Variants in NRXN3 observed in about 807,000 individuals in gnomAD.
NRXN3 encodes the protein neurexin 3, also known as neurexin III.
A neutral mutation model predicts 137.6 loss-of-function variants in NRXN3; 32 were observed. The observed-to-expected ratio is 0.23, with a 90% CI of 0.18 to 0.31. The LOEUF (loss-of-function observed/expected upper bound fraction) is 0.31. Among genes scored for constraint, NRXN3 ranks in the 10% least tolerant of loss-of-function variants. The pLI, the probability that NRXN3 is intolerant of heterozygous loss-of-function variation, is 1.00. For missense variants in NRXN3, 1,574 were observed against 2,062.5 expected, an observed-to-expected ratio of 0.76 and a Z score of 4.59; for synonymous variants, 798 against 784.5, an observed-to-expected ratio of 1.02 and a Z score of -0.29.
At position 78,764,147 on chromosome 14, in the gene NRXN3, A is replaced by G. The variant is rs2098701322; in HGVS notation, c.2045-39473A>G. Among the ~76,000 whole-genome samples the G allele has an allele frequency of 2.0e-5, 3 of 152,222 alleles. No homozygotes were observed. The South Asian group carries it at 6.2e-4, about 32-fold the overall frequency. On this transcript the variant is annotated intron_variant, in intron 8 of 20. Transcript: ENST00000335750. ...TCTAAGTGTTCCTAATGACCATGCC[A>G]TATCCAGTTAAGAATTGAATTGTGC...
At chr14:78,349,718 G>A (rs988760656) in intron 4 of NRXN3, among the ~76,000 whole-genome samples, 6 of 152,150 alleles carry the variant, frequency 3.9e-5, no homozygotes, top group Admixed American at 2.0e-4. Flanking sequence ...GGACTAGCAA[G>A]TGCTTCATAG....
At chr14:79,066,264 G>T (rs2099680643) in intron 15 of NRXN3, among the ~76,000 whole-genome samples, 1 of 152,088 alleles carries the variant, frequency 6.6e-6, no homozygotes, top group Non-Finnish European at 1.5e-5. Context: ...CCCATTGCTT[G>T]TTTTTGTCAG....
chr14:78,795,702 G>A (rs530140823), intron 8 of NRXN3, among the ~76,000 whole-genome samples: 31 of 152,266 alleles, frequency 2.0e-4, no homozygotes, highest in Admixed American at 2.0e-3. Flanking sequence ...GCCAAAAATA[G>A]AGGAACTCTG....
chr14:79,199,141 TG>T (rs2065562233), intron 15 of NRXN3, among the ~76,000 whole-genome samples: 1 of 151,284 alleles, frequency 6.6e-6, no homozygotes, highest in Non-Finnish European at 1.5e-5. Context: ...CGCTCCAGCC[TG>T]GGCGACAGTG....
rs572511221 is a variant in NRXN3, at chr14:79,706,814, G to A, written c.4014+8877G>A. ...TATGACACACCGCCCCCCTTTCACC[G>A]TTTCACCCCTGAACATCTGCTTCTT... On this transcript the variant is annotated intron_variant, in intron 19 of 20. Transcript: ENST00000335750. Among the ~76,000 whole-genome samples the A allele has an allele frequency of 6.6e-5, 10 of 152,102 alleles. No homozygotes were observed. The East Asian group carries it at 1.4e-3, about 21-fold the overall frequency.
intron 15 of NRXN3, among the ~76,000 whole-genome samples, chr14:79,093,125 A>G (rs562803597): frequency 6.6e-6 from 1 of 152,320 alleles, no homozygotes; most frequent in African/African-American, 2.4e-5. Flanking sequence ...TTGTCAAAGG[A>G]TACTACAGAT....
chr14:79,127,938 A>G (rs1426388597), intron 15 of NRXN3, among the ~76,000 whole-genome samples: 2 of 150,398 alleles, frequency 1.3e-5, no homozygotes, highest in Non-Finnish European at 3.0e-5. Flanking sequence ...CTTTGAAGCA[A>G]TTGTGAATGG....
intron 17 of NRXN3, among the ~76,000 whole-genome samples, chr14:79,685,349 C>T (rs1456558203): frequency 6.6e-6 from 1 of 151,904 alleles, no homozygotes; most frequent in East Asian, 1.9e-4. Flanking sequence ...GCATGGTTAC[C>T]AGAAAGGAAC....
At chr14:78,741,651 A>G (rs988229205) in intron 8 of NRXN3, among the ~76,000 whole-genome samples, 4 of 152,088 alleles carry the variant, frequency 2.6e-5, no homozygotes, top group Non-Finnish European at 5.9e-5. Context: ...CCACCCTTTT[A>G]TTTATTATTA....
At chr14:78,731,785 G>GT (rs575162760) in intron 8 of NRXN3, among the ~76,000 whole-genome samples, 41 of 146,226 alleles carry the variant, frequency 2.8e-4, no homozygotes, top group Non-Finnish European at 5.6e-4. Context: ...TCCAGTTCCT[G>GT]TTTTTTTTCA....
intron 15 of NRXN3, among the ~76,000 whole-genome samples, chr14:79,355,237 C>G (rs1020908856): frequency 2.0e-5 from 3 of 150,374 alleles, no homozygotes; most frequent in Non-Finnish European, 4.4e-5. Flanking sequence ...CCTCCTATTC[C>G]TGGGCTTTTC....
rs1218444170 is a variant in NRXN3, at chr14:78,939,094, C to T, written c.2276-18148C>T. ...TCTCCTGACCTCGTGATCCGCCCGC[C>T]TCGGCCTCCCAAAGTGCTGGGATTA... On this transcript the variant is annotated intron_variant, in intron 10 of 20. Coordinates refer to ENST00000335750, the MANE Select transcript of NRXN3 (RefSeq NM_001330195.2). Among the ~76,000 whole-genome samples, 4 of 152,154 alleles carry T rather than the reference C, an allele frequency of 2.6e-5. 1 individual carries two copies. The highest frequency in any genetic ancestry group is 2.6e-4 in the Admixed American group (4 of 15,282).
At chr14:79,300,345 TTG>T (rs2084928305) in intron 15 of NRXN3, among the ~76,000 whole-genome samples, 1 of 151,974 alleles carries the variant, frequency 6.6e-6, no homozygotes. Flanking sequence ...CACTAAAAAG[TTG>T]TGTTTAAAAT....
chr14:79,794,951 A>G (rs1302398253), intron 19 of NRXN3, among the ~76,000 whole-genome samples: 1 of 152,154 alleles, frequency 6.6e-6, no homozygotes, highest in Admixed American at 6.5e-5. Context: ...TACAAAACAC[A>G]AGTGCAAAGA....
At chr14:78,906,199 A>C (rs2099215929) in intron 10 of NRXN3, among the ~76,000 whole-genome samples, 1 of 152,098 alleles carries the variant, frequency 6.6e-6, no homozygotes, top group Non-Finnish European at 1.5e-5. Flanking sequence ...ATATAATTAT[A>C]ATTTCAGTGA....
chr14:79,709,193 C>T (rs1432509586), intron 19 of NRXN3, among the ~76,000 whole-genome samples: 1 of 152,134 alleles, frequency 6.6e-6, no homozygotes, highest in African/African-American at 2.4e-5. Context: ...ATGTGTACCT[C>T]ACTATAGAGT....
chr14:78,843,298 T>A (rs1314856031), intron 10 of NRXN3, among the ~76,000 whole-genome samples: 1 of 152,104 alleles, frequency 6.6e-6, no homozygotes, highest in African/African-American at 2.4e-5. Context: ...CCTGCAACAA[T>A]TTATCATCTG....
intron 15 of NRXN3, among the ~76,000 whole-genome samples, chr14:79,327,485 C>T (rs1186708357): frequency 2.0e-5 from 3 of 152,194 alleles, no homozygotes; most frequent in Non-Finnish European, 2.9e-5. Flanking sequence ...CAATGGCTGG[C>T]GGAAATAAGG....
chr14:78,808,221 C>T (rs1230009497), intron 9 of NRXN3, among the ~76,000 whole-genome samples: 1 of 152,246 alleles, frequency 6.6e-6, no homozygotes, highest in South Asian at 2.1e-4. Context: ...ATCTTGAAAG[C>T]GCCAAGCTCT....
Sources: allele counts gnomAD v4.1 joint callset (sites outside exome capture counted in the v4.1 genomes callset), GRCh38; gene constraint gnomAD v4.1.1; transcripts MANE v1.5; gene names NCBI Gene and HGNC (gene_info 2026-07-23, HGNC 2026-07-21).